The following CYP3A5 variants were observed in gnomAD, a reference collection of about 807,000 sequenced individuals.
CYP3A5 encodes the protein cytochrome P450 family 3 subfamily A member 5.
In CYP3A5, 51 loss-of-function variants were observed where a neutral mutation model predicts 55.9. That is an observed-to-expected ratio of 0.91 (90% confidence interval 0.73 to 1.15). The LOEUF is 1.15. Among genes scored for constraint, CYP3A5 ranks in the 50% most tolerant of loss-of-function variants. CYP3A5 has a pLI of 0.00. For missense variants in CYP3A5, 533 were observed against 596.6 expected (o/e 0.89, Z 1.11); for synonymous variants, 196 against 213.9 (o/e 0.92, Z 0.73).
chr7:99,648,958 G>A (rs1036394198), intron 12 of CYP3A5, among the ~76,000 whole-genome samples: 36 of 152,116 alleles, frequency 2.4e-4, no homozygotes, highest in Admixed American at 1.2e-3. Context: ...GCTTCCAAGC[G>A]TAGTGCAAAC....
intron 8 of CYP3A5, chr7:99,663,567 T>A: frequency 3.0e-6 from 3 of 993,850 alleles, no homozygotes; most frequent in Non-Finnish European, 3.6e-6. Context: ...GACCTTTAAT[T>A]GCAGAATATG....
Position 99,653,322 on chromosome 7 carries a change from G to A in CYP3A5, c.1027-543C>T, listed in dbSNP as rs1389258486. 6.6e-6 allele frequency among the ~76,000 whole-genome samples: 1 copy of A among 152,098 alleles called. No homozygotes were observed. ...AAAAACTAGCTGGGTGTGGTGGCGT[G>A]TGCCTGTAGTTCCAGCTACTCAGGA... is the stretch of plus-strand genomic sequence containing the variant. On this transcript the variant is annotated intron_variant, in intron 10 of 12. Transcript: ENST00000222982. This position sits in a 1 kb window ranked among gnomAD's most constrained non-coding sequence, Gnocchi z 4.2.
chr7:99,652,388 C>G, intron 11 of CYP3A5, 165 bp downstream of exon 11: 70 of 477,440 alleles, frequency 1.5e-4, no homozygotes, highest in Non-Finnish European at 1.1e-4. Context: ...TTCGTTTTTT[C>G]TAGTCTGTGG....
In CYP3A5 at chr7:99,664,040, T is replaced by G; in HGVS notation, c.726A>C (p.Pro242=). 6.2e-7 allele frequency: 1 copy of G among 1,601,092 alleles called. No homozygotes were observed. Among genetic ancestry groups the G allele is most frequent in the Non-Finnish European group, 8.5e-7 (1 of 1,177,270 alleles). ...TACTTAAAAAATTTATGGTATCTTT[T>G]GGAAACAGAGAGACATTTAATGCTT... ...VFEALNVSLF[P]KDTINFLSKS... The change falls in exon 8 of 13, where the codon CCA becomes CCC. Residue 242 remains proline, a synonymous_variant. Coordinates refer to ENST00000222982, the MANE Select transcript of CYP3A5 (RefSeq NM_000777.5).
At chr7:99,652,347 G>C in intron 11 of CYP3A5, 1 of 416,692 alleles carries the variant, frequency 2.4e-6, no homozygotes, top group Non-Finnish European at 4.2e-6. Context: ...GATTATCTTT[G>C]TCTTGTGCTG....
chr7:99,665,395 A>G, intron 6 of CYP3A5, 81 bp from the exon 7 acceptor site: 1 of 1,548,404 alleles, frequency 6.5e-7, no homozygotes, highest in South Asian at 1.1e-5. Context: ...AAACCCACAT[A>G]TCCAGTCAAG....
intron 10 of CYP3A5, chr7:99,660,245 T>TTTA: frequency 1.4e-6 from 1 of 738,738 alleles, no homozygotes; most frequent in Non-Finnish European, 1.6e-6. Flanking sequence ...TTTTTTTTTT[T>TTTA]ACTTAGCATT....
In CYP3A5 at chr7:99,665,256, C is replaced by G. The variant is rs765322100; in HGVS notation, c.580G>C (p.Asp194His). The G allele has an allele frequency of 5.6e-6, 9 of 1,613,974 alleles. No homozygotes were observed. Among genetic ancestry groups the G allele is most frequent in the Non-Finnish European group, 7.6e-6 (9 of 1,180,000 alleles). Residue 194 changes from aspartate (D) to histidine (H), a missense_variant, in exon 7 of 13, where the codon GAC (aspartate) becomes CAC (histidine). Transcript: ENST00000222982. ...ITGTSFGVNI[D>H]SLNNPQDPFV... Reference sequence around the variant, plus strand: ...GGGTCTTGTGGATTGTTGAGAGAGTCGATGTTCACTCCAAATGATGTGCCA... The same window carrying G: ...GGGTCTTGTGGATTGTTGAGAGAGTGGATGTTCACTCCAAATGATGTGCCA...
At chr7:99,649,973 T>C (rs1479798554) in intron 12 of CYP3A5, 100 bp downstream of exon 12, 3 of 1,430,966 alleles carry the variant, frequency 2.1e-6, no homozygotes, top group East Asian at 2.5e-5. Context: ...CTTTGGCCCA[T>C]AGAATGAATT....
chr7:99,666,967 G>A lies in CYP3A5; in HGVS notation c.417C>T (p.Ser139=), dbSNP rs201727538. The A allele has an allele frequency of 8.7e-6, 14 of 1,613,570 alleles. No individual in the cohort carries two copies. Among genetic ancestry groups the A allele is most frequent in the African/African-American group, 4.0e-5 (3 of 74,806 alleles). The change falls in exon 5 of 13, where the codon AGC becomes AGT. Residue 139 remains serine (S), a synonymous_variant. Transcript: ENST00000222982. Reference sequence around the variant, plus strand: ...ATTTTCATACCTCCTTGAGTTTTCCGCTGGTGAAGGTTGGAGACAGCAATG... The same window carrying A: ...ATTTTCATACCTCCTTGAGTTTTCCACTGGTGAAGGTTGGAGACAGCAATG... The part of the protein sequence containing the change: ...IRSLLSPTFT[S]GKLKEMFPII...
intron 4 of CYP3A5, chr7:99,671,208 A>C (rs938921612): frequency 1.1e-4 from 17 of 154,562 alleles, no homozygotes; most frequent in African/African-American, 4.1e-4. Context: ...ACTGTGGCCC[A>C]GGGAAGCCAA....
chr7:99,652,436 A>G, intron 11 of CYP3A5, 117 bp downstream of exon 11: 1 of 727,776 alleles, frequency 1.4e-6, no homozygotes, highest in Non-Finnish European at 2.2e-6. Context: ...TTTGTGATAA[A>G]AAGACTTACA....
chr7:99,666,781 C>T, intron 5 of CYP3A5, 92 bp from the exon 6 acceptor site: 4 of 1,602,288 alleles, frequency 2.5e-6, no homozygotes, highest in Non-Finnish European at 3.4e-6. Context: ...CAGTAAGTGA[C>T]ATTTTGTAAT....
intron 10 of CYP3A5, chr7:99,660,122 T>A (rs1562991280): frequency 2.7e-6 from 2 of 741,182 alleles, no homozygotes; most frequent in Non-Finnish European, 3.3e-6. Flanking sequence ...GTACCTCAGT[T>A]GGAAATGCAG....
chr7:99,657,489 T>A (rs1463264930), intron 10 of CYP3A5, among the ~76,000 whole-genome samples: 2 of 152,152 alleles, frequency 1.3e-5, no homozygotes, highest in Non-Finnish European at 2.9e-5. Context: ...TGCTGAGGAG[T>A]GCTTTACTTC....
In CYP3A5 at chr7:99,654,483, A is replaced by G. The variant is rs542715099; in HGVS notation, c.1027-1704T>C. Among the ~76,000 whole-genome samples the G allele has an allele frequency of 2.0e-5, 3 of 152,156 alleles. No homozygotes were observed. The East Asian group carries it at 5.8e-4, about 29-fold the overall frequency. On this transcript the variant is annotated intron_variant, in intron 10 of 12. Transcript: ENST00000222982. The stretch of plus-strand genomic sequence containing the variant: ...CATTTTCTTAATCCAGTCTATCATT[A>G]TTGGACATTTGGGTTGGTTCCAAGT...
At chr7:99,650,022 T>C (rs1385974852) in intron 12 of CYP3A5, 51 bp downstream of exon 12, 2 of 1,597,022 alleles carry the variant, frequency 1.3e-6, no homozygotes, top group Admixed American at 1.7e-5. Flanking sequence ...AAAAAATATA[T>C]ACCCTTCAGT....
At chr7:99,676,440 G>A in intron 1 of CYP3A5, 8 of 1,467,890 alleles carry the variant, frequency 5.5e-6, no homozygotes, top group Non-Finnish European at 7.3e-6. Flanking sequence ...AGTCTTCATA[G>A]TCCCAATCCT....
In CYP3A5 at chr7:99,667,085, T is replaced by C. The variant is rs1462139975; in HGVS notation, c.319-20A>G. 3.0e-5 allele frequency: 48 copies of C among 1,600,116 alleles called. No homozygotes were observed. The highest frequency in any genetic ancestry group is 4.0e-5 in the Non-Finnish European group (47 of 1,169,790). On this transcript the variant is annotated intron_variant, in intron 4 of 12. Coordinates refer to ENST00000222982, the MANE Select transcript of CYP3A5 (RefSeq NM_000777.5). ...TAAAGACTAGAGTTCAACAGAAACA[T>C]TTTTTCTCACATTAGTTGTGGTGAT...
Sources: allele counts gnomAD v4.1 joint callset (sites outside exome capture counted in the v4.1 genomes callset), GRCh38; gene constraint gnomAD v4.1.1; non-coding constraint Gnocchi (gnomAD v3.1); transcripts MANE v1.5; gene names NCBI Gene and HGNC (gene_info 2026-07-23, HGNC 2026-07-21).